The following SLC44A5 variants were observed in gnomAD, a reference collection of about 807,000 sequenced individuals.
SLC44A5 encodes the protein solute carrier family 44 member 5, also known as choline transporter-like protein 5.
Under a neutral mutation model 101.8 loss-of-function variants are expected in SLC44A5, and 57 were observed. The ratio of observed to expected loss-of-function variants is 0.56; its 90% CI spans 0.45 to 0.70. The LOEUF (loss-of-function observed/expected upper bound fraction) is 0.70, where lower values mean the gene tolerates loss of function less well. Ranked by LOEUF, SLC44A5 falls within the 30% of genes least tolerant of loss-of-function variation. The pLI, the probability that SLC44A5 is intolerant of heterozygous loss-of-function variation, is 0.00. For synonymous variants in SLC44A5, 281 were observed against 290.9 expected (o/e 0.97, Z 0.35); for missense variants, 737 against 853.1 (o/e 0.86, Z 1.70).
At chr1:75,377,708 A>G (rs1481232568) in intron 3 of SLC44A5, among the ~76,000 whole-genome samples, 1 of 3,652 alleles carries the variant, frequency 2.7e-4, no homozygotes, top group South Asian at 5.3e-3. Context: ...ACTGCTTTGT[A>G]AAGCATTGAG....
At chr1:75,268,802 T>C (rs553986486) in intron 6 of SLC44A5, among the ~76,000 whole-genome samples, 16 of 152,274 alleles carry the variant, frequency 1.1e-4, no homozygotes, top group African/African-American at 3.8e-4. Context: ...TAAATATATC[T>C]CTACCCAATA....
chr1:75,714,312 C>T, the SLC44A5 span, among the ~76,000 whole-genome samples: 1 of 152,124 alleles, frequency 6.6e-6, no homozygotes, highest in Admixed American at 6.5e-5. Flanking sequence ...ACAGAAAAGT[C>T]TTGATAAAAG....
chr1:75,347,819 A>G (rs1658364729), intron 3 of SLC44A5, among the ~76,000 whole-genome samples: 1 of 152,070 alleles, frequency 6.6e-6, no homozygotes, highest in Non-Finnish European at 1.5e-5. Flanking sequence ...GATTTTATAT[A>G]CTTGTAAATT....
At chr1:75,361,788 G>C (rs1365229838) in intron 3 of SLC44A5, among the ~76,000 whole-genome samples, 1 of 152,024 alleles carries the variant, frequency 6.6e-6, no homozygotes, top group Admixed American at 6.6e-5. Flanking sequence ...GTTTATCAGA[G>C]ATAATGGCCT....
At chr1:75,665,665 A>G in the SLC44A5 span, among the ~76,000 whole-genome samples, 3 of 152,208 alleles carry the variant, frequency 2.0e-5, no homozygotes, top group Non-Finnish European at 4.4e-5. Flanking sequence ...TGGAAAACCT[A>G]TAGAATGGGA....
the SLC44A5 span, among the ~76,000 whole-genome samples, chr1:75,647,150 G>A: frequency 6.6e-6 from 1 of 152,172 alleles, no homozygotes; most frequent in Non-Finnish European, 1.5e-5. Context: ...GCAGGCTTGG[G>A]ACTTGGTGCC....
At chr1:75,249,037 G>A (rs954431988) in intron 7 of SLC44A5, among the ~76,000 whole-genome samples, 1 of 152,058 alleles carries the variant, frequency 6.6e-6, no homozygotes. Flanking sequence ...GAGGAATCAA[G>A]ATGATCAGAG....
At chr1:75,504,963 C>A (rs1249915556) in intron 2 of SLC44A5, among the ~76,000 whole-genome samples, 3 of 152,050 alleles carry the variant, frequency 2.0e-5, no homozygotes, top group Non-Finnish European at 2.9e-5. Flanking sequence ...GAGCACAGTA[C>A]CCAATAGAGT....
At chr1:75,664,081 G>A in the SLC44A5 span, among the ~76,000 whole-genome samples, 2 of 151,242 alleles carry the variant, frequency 1.3e-5, no homozygotes, top group African/African-American at 4.9e-5. Context: ...AATAGACACA[G>A]AAAAAGATTT....
At chr1:75,544,319 C>T (rs917140446) in intron 1 of SLC44A5, among the ~76,000 whole-genome samples, 8 of 152,176 alleles carry the variant, frequency 5.3e-5, no homozygotes, top group African/African-American at 1.7e-4. Context: ...ACTTCCCAGC[C>T]TTTAGAACTA....
chr1:75,219,820 G>T lies in SLC44A5; in HGVS notation c.1158C>A (p.Cys386Ter). 1 of 1,612,520 alleles carries T rather than the reference G, an allele frequency of 6.2e-7. No homozygotes were observed. The highest frequency in any genetic ancestry group is 8.5e-7 in the Non-Finnish European group (1 of 1,178,896). ...LTFILLSICICYWVVTAVFLA... is the reference protein window; with the variant it reads ...LTFILLSICI ...GATACACTGCTGTCACGACCCAGTAGCAAATGCAGATTGAGAGCAAAATGA... is the reference window on the plus strand; with the variant it reads ...GATACACTGCTGTCACGACCCAGTATCAAATGCAGATTGAGAGCAAAATGA... Residue 386 changes from cysteine to a stop codon, truncating the protein, a stop_gained, in exon 15 of 24, where the codon TGC (cysteine) becomes TGA (stop). Transcript: ENST00000370859. LOFTEE classifies it high-confidence loss of function.
chr1:75,323,560 A>G (rs1334683828), intron 4 of SLC44A5, among the ~76,000 whole-genome samples: 1 of 152,242 alleles, frequency 6.6e-6, no homozygotes, highest in African/African-American at 2.4e-5. Flanking sequence ...ACTAGTTTAC[A>G]GTCCCACCAA....
intron 5 of SLC44A5, among the ~76,000 whole-genome samples, chr1:75,282,060 C>T (rs572426351): frequency 1.3e-5 from 2 of 152,282 alleles, no homozygotes; most frequent in African/African-American, 4.8e-5. Flanking sequence ...CTGGAAAAGC[C>T]ACAGACACTC....
the SLC44A5 span, among the ~76,000 whole-genome samples, chr1:75,691,128 C>T: frequency 6.6e-6 from 1 of 152,042 alleles, no homozygotes; most frequent in East Asian, 1.9e-4. Context: ...CACTATTTTC[C>T]AACTTGTTCT....
chr1:75,541,577 A>G, intron 1 of SLC44A5, 61 bp from the exon 2 acceptor site: 1 of 1,149,506 alleles, frequency 8.7e-7, no homozygotes. Context: ...CTCATTAACA[A>G]CTAACCTTTT....
At position 75,211,632 on chromosome 1, in the gene SLC44A5, A is replaced by G. The variant is rs968494918; in HGVS notation, c.1963-80T>C. On this transcript the variant is annotated intron_variant, in intron 22 of 23. Coordinates refer to ENST00000370859, the MANE Select transcript of SLC44A5 (RefSeq NM_001130058.2). Reference sequence around the variant, plus strand: ...AATAATGCAGCTATAAATGAAAGCCATGATGAGAAAGTTTTGAAGTACTCT... The same window carrying G: ...AATAATGCAGCTATAAATGAAAGCCGTGATGAGAAAGTTTTGAAGTACTCT... 3.7e-6 allele frequency: 4 copies of G among 1,092,268 alleles called. No individual in the cohort carries two copies. In the African/African-American group the frequency reaches 6.3e-5, roughly 17 times the overall value. The allele number at this position is 1,092,268 out of a possible 1,614,324, so 67.7% of individuals were successfully genotyped here. A position where few individuals can be genotyped will look rare whatever the true frequency, so the allele number is the denominator to read the frequency against.
At chr1:75,551,253 A>G (rs965706442) in intron 1 of SLC44A5, among the ~76,000 whole-genome samples, 4 of 152,126 alleles carry the variant, frequency 2.6e-5, no homozygotes, top group Admixed American at 6.6e-5. Flanking sequence ...ATAACTAGTC[A>G]TAATCTCAGA....
At chr1:75,694,840 T>C in the SLC44A5 span, among the ~76,000 whole-genome samples, 1 of 152,192 alleles carries the variant, frequency 6.6e-6, no homozygotes, top group Non-Finnish European at 1.5e-5. Context: ...TTTATCATTC[T>C]AAGTCGTTCA....
intron 3 of SLC44A5, among the ~76,000 whole-genome samples, chr1:75,349,211 C>A (rs1273662764): frequency 6.6e-6 from 1 of 152,108 alleles, no homozygotes; most frequent in African/African-American, 2.4e-5. Context: ...TGGCAGTGCA[C>A]ACCTGTAGTC....
Sources: gnomAD v4.1 joint callset for allele counts (sites outside exome capture counted in the v4.1 genomes callset) on GRCh38, gnomAD v4.1.1 for gene constraint, MANE v1.5 for transcripts, NCBI Gene and HGNC (gene_info 2026-07-23, HGNC 2026-07-21) for gene names.